Variants in WDFY2 observed in about 807,000 individuals in gnomAD.
WDFY2 encodes WD repeat and FYVE domain containing 2, also known as WD repeat and FYVE domain-containing protein 2.
WDFY2 carries 36 observed loss-of-function variants against 56.4 expected under a neutral mutation model. The observed-to-expected ratio is 0.64, with a 90% CI of 0.49 to 0.84. WDFY2 has a LOEUF of 0.84. Among genes scored for constraint, WDFY2 ranks in the 40% least tolerant of loss-of-function variants. The pLI, the probability that WDFY2 is intolerant of heterozygous loss-of-function variation, is 0.00. For synonymous variants in WDFY2, 176 were observed against 183.7 expected, an observed-to-expected ratio of 0.96 and a Z score of 0.34; for missense variants, 444 against 512.2, an observed-to-expected ratio of 0.87 and a Z score of 1.29.
chr13:51,703,899 T>A (rs921930152), intron 4 of WDFY2, among the ~76,000 whole-genome samples: 1 of 152,236 alleles, frequency 6.6e-6, no homozygotes, highest in African/African-American at 2.4e-5. Flanking sequence ...ACAGCCTTTG[T>A]CTTCCTACTA....
chr13:51,657,374 T>G (rs1955528839), intron 1 of WDFY2, among the ~76,000 whole-genome samples: 1 of 152,178 alleles, frequency 6.6e-6, no homozygotes, highest in Non-Finnish European at 1.5e-5. Flanking sequence ...ACCAGTAATC[T>G]TTAATTCTTG....
chr13:51,704,120 A>G (rs565683565), intron 4 of WDFY2, among the ~76,000 whole-genome samples: 10 of 152,310 alleles, frequency 6.6e-5, no homozygotes, highest in Admixed American at 3.3e-4. Flanking sequence ...CAGACTAACA[A>G]TGTTGTGGAA....
At chr13:51,615,408 A>T (rs1277189442) in intron 1 of WDFY2, among the ~76,000 whole-genome samples, 1 of 152,158 alleles carries the variant, frequency 6.6e-6, no homozygotes, top group South Asian at 2.1e-4. Context: ...AATATTTTTT[A>T]AAATAGATAA....
chr13:51,613,153 A>G (rs116450256), intron 1 of WDFY2, among the ~76,000 whole-genome samples: 1,742 of 152,082 alleles, frequency 0.011, 36 homozygotes, highest in African/African-American at 0.04. Flanking sequence ...TGTGATCATC[A>G]TGCCTGTGCA....
chr13:51,648,992 C>T (rs901421813), intron 1 of WDFY2, among the ~76,000 whole-genome samples: 2 of 152,104 alleles, frequency 1.3e-5, no homozygotes, highest in African/African-American at 4.8e-5. Context: ...ACTAAAAATA[C>T]AAAGATTACC....
At chr13:51,689,047 C>T (rs1956106098) in intron 3 of WDFY2, among the ~76,000 whole-genome samples, 2 of 152,180 alleles carry the variant, frequency 1.3e-5, no homozygotes, top group Non-Finnish European at 2.9e-5. Context: ...GGATATTCCC[C>T]ATTCACTGAA....
chr13:51,724,794 A>T (rs2061108047), intron 5 of WDFY2, among the ~76,000 whole-genome samples: 1 of 152,218 alleles, frequency 6.6e-6, no homozygotes, highest in Non-Finnish European at 1.5e-5. Context: ...GTATATAAAG[A>T]CATGTATCTG....
intron 1 of WDFY2, among the ~76,000 whole-genome samples, chr13:51,612,936 A>C (rs894784309): frequency 6.6e-6 from 1 of 152,184 alleles, no homozygotes; most frequent in African/African-American, 2.4e-5. Flanking sequence ...TGAAAAATTC[A>C]ATTTAAAAAT....
chr13:51,739,224 T>C, intron 7 of WDFY2, 49 bp downstream of exon 7: 6 of 1,532,370 alleles, frequency 3.9e-6, no homozygotes, highest in Non-Finnish European at 5.3e-6. Flanking sequence ...GATTCTCAGC[T>C]GACAGCTAGA....
intron 1 of WDFY2, among the ~76,000 whole-genome samples, chr13:51,610,423 T>C (rs1954477842): frequency 6.6e-6 from 1 of 152,206 alleles, no homozygotes; most frequent in Non-Finnish European, 1.5e-5. Context: ...GAATTTGTTG[T>C]ATGAATTTTT....
chr13:51,689,164 G>A (rs1956107659), intron 3 of WDFY2, among the ~76,000 whole-genome samples: 1 of 152,136 alleles, frequency 6.6e-6, no homozygotes, highest in African/African-American at 2.4e-5. Context: ...ATCCTCTTGG[G>A]AGGGATATTA....
chr13:51,663,747 G>A (rs1197035988), intron 2 of WDFY2, among the ~76,000 whole-genome samples: 5 of 152,020 alleles, frequency 3.3e-5, no homozygotes, highest in Admixed American at 6.6e-5. Flanking sequence ...GAGGTTACTC[G>A]GTATTATTCT....
intron 7 of WDFY2, among the ~76,000 whole-genome samples, chr13:51,740,256 T>C (rs1469418990): frequency 2.6e-5 from 4 of 152,226 alleles, no homozygotes; most frequent in African/African-American, 4.8e-5. Context: ...CTTTCTCATG[T>C]TGGAGAACAG....
intron 1 of WDFY2, among the ~76,000 whole-genome samples, chr13:51,640,414 C>G (rs1593917590): frequency 6.6e-6 from 1 of 152,194 alleles, no homozygotes; most frequent in East Asian, 1.9e-4. Context: ...TCTACTCCTT[C>G]CACCCTTTGT....
intron 8 of WDFY2, among the ~76,000 whole-genome samples, chr13:51,752,321 C>T (rs1398682447): frequency 6.6e-6 from 1 of 152,190 alleles, no homozygotes; most frequent in East Asian, 1.9e-4. Flanking sequence ...TCAAAATGAT[C>T]ATTACTGTTA....
chr13:51,593,146 C>G (rs1954083139), intron 1 of WDFY2, among the ~76,000 whole-genome samples: 2 of 152,124 alleles, frequency 1.3e-5, no homozygotes, highest in South Asian at 2.1e-4. Flanking sequence ...CAGCACCTAC[C>G]TAGATTTTAA....
At chr13:51,605,219 A>T (rs1566308705) in intron 1 of WDFY2, among the ~76,000 whole-genome samples, 1 of 152,228 alleles carries the variant, frequency 6.6e-6, no homozygotes, top group African/African-American at 2.4e-5. Flanking sequence ...CATTGTCCAC[A>T]TATGGACAGC....
At chr13:51,724,459 G>A (rs1014545805) in intron 5 of WDFY2, among the ~76,000 whole-genome samples, 8 of 152,000 alleles carry the variant, frequency 5.3e-5, no homozygotes, top group Admixed American at 6.6e-5. Context: ...GGCTGGTCTC[G>A]AACTCCTGAC....
chr13:51,662,579 G>T (rs2138464243), intron 2 of WDFY2, among the ~76,000 whole-genome samples: 1 of 152,258 alleles, frequency 6.6e-6, no homozygotes, highest in African/African-American at 2.4e-5. Flanking sequence ...CATACATTTT[G>T]GTGTCATCCT....
Sources: allele counts gnomAD v4.1 joint callset (sites outside exome capture counted in the v4.1 genomes callset), GRCh38; gene constraint gnomAD v4.1.1; transcripts MANE v1.5; gene names NCBI Gene and HGNC (gene_info 2026-07-23, HGNC 2026-07-21).